TBX15: variants seen among roughly 807,000 people sequenced by gnomAD.
TBX15 encodes the protein T-box transcription factor 15.
A neutral mutation model predicts 53.9 loss-of-function variants in TBX15; 18 were observed. The ratio of observed to expected loss-of-function variants is 0.33; its 90% CI spans 0.23 to 0.49. TBX15 has a LOEUF of 0.49. TBX15 is among the 20% of genes least tolerant of loss of function. The probability of loss-of-function intolerance (pLI) is 0.98; values close to 1 mark genes in which losing one functional copy is unlikely to be tolerated. For missense variants in TBX15, 692 were observed against 749.5 expected, an observed-to-expected ratio of 0.92 and a Z score of 0.90; for synonymous variants, 295 against 278.0, an observed-to-expected ratio of 1.06 and a Z score of -0.61.
At chr1:118,931,856 T>C (rs1440215948) in intron 1 of TBX15, 24 bp from the exon 2 acceptor site, 1 of 1,551,778 alleles carries the variant, frequency 6.4e-7, no homozygotes, top group Non-Finnish European at 8.7e-7. Context: ...AATCAAGCCT[T>C]AGGTGAGAAA....
chr1:118,910,620 G>A (rs1201462662), intron 6 of TBX15, among the ~76,000 whole-genome samples: 1 of 152,208 alleles, frequency 6.6e-6, no homozygotes, highest in Non-Finnish European at 1.5e-5. Flanking sequence ...TGGGTAGCCA[G>A]TGAGAATTAA....
chr1:118,960,434 G>C (rs1487565041), intron 1 of TBX15, among the ~76,000 whole-genome samples: 2 of 152,152 alleles, frequency 1.3e-5, no homozygotes, highest in Non-Finnish European at 2.9e-5. Context: ...TCTAACCTTT[G>C]AAGCGAATGG....
At position 118,883,148 on chromosome 1, in the gene TBX15, T is replaced by A. The variant is rs781013455; in HGVS notation, c.*1584A>T. The A allele has an allele frequency of 4.8e-4, 73 of 152,600 alleles. No individual in the cohort carries two copies. Among genetic ancestry groups the A allele is most frequent in the Non-Finnish European group, 8.2e-4 (56 of 68,032 alleles). 9.5% of individuals were successfully genotyped at this position (152,600 alleles called of 1,614,324 possible). A position where few individuals can be genotyped will look rare whatever the true frequency, so the allele number is the denominator to read the frequency against. On this transcript the variant is annotated 3_prime_UTR_variant, in exon 8 of 8. Coordinates refer to ENST00000369429, the MANE Select transcript of TBX15 (RefSeq NM_001330677.2). ...TTTGTACACCTTTTCTTCATACATATTTTACATACCCTTTTATTGCCCCCT... is the reference window on the plus strand; with the variant it reads ...TTTGTACACCTTTTCTTCATACATAATTTACATACCCTTTTATTGCCCCCT...
At chr1:118,925,647 T>C (rs1261343538) in intron 3 of TBX15, among the ~76,000 whole-genome samples, 1 of 152,116 alleles carries the variant, frequency 6.6e-6, no homozygotes, top group Non-Finnish European at 1.5e-5. Flanking sequence ...CCCTGAGAAA[T>C]AGAGGCACCC....
chr1:118,914,939 C>T (rs1361878600), intron 5 of TBX15, among the ~76,000 whole-genome samples: 1 of 152,174 alleles, frequency 6.6e-6, no homozygotes, highest in Non-Finnish European at 1.5e-5. Flanking sequence ...CAGCTTGGTC[C>T]TCAGGGGCCA....
intron 6 of TBX15, among the ~76,000 whole-genome samples, chr1:118,906,136 T>C (rs1394516542): frequency 1.3e-5 from 2 of 152,228 alleles, no homozygotes; most frequent in Admixed American, 1.3e-4. Flanking sequence ...CTATTGCTTG[T>C]ATACTTATGA....
chr1:118,913,063 C>T (rs1393600517), intron 6 of TBX15, among the ~76,000 whole-genome samples: 1 of 152,002 alleles, frequency 6.6e-6, no homozygotes, highest in Non-Finnish European at 1.5e-5. Flanking sequence ...AAAATGATTG[C>T]CATAACTGAT....
chr1:118,972,006 G>A (rs896868255), intron 1 of TBX15, among the ~76,000 whole-genome samples: 1 of 152,238 alleles, frequency 6.6e-6, no homozygotes, highest in African/African-American at 2.4e-5. Flanking sequence ...TCCAAGAGGA[G>A]CTGATAATGA....
chr1:118,953,309 CAT>C (rs1200499734), intron 1 of TBX15, among the ~76,000 whole-genome samples: 1 of 152,074 alleles, frequency 6.6e-6, no homozygotes, highest in African/African-American at 2.4e-5. Flanking sequence ...AAATACAAGA[CAT>C]AGAATAAATA....
intron 1 of TBX15, among the ~76,000 whole-genome samples, chr1:118,947,865 T>C (rs1656395162): frequency 6.6e-6 from 1 of 152,214 alleles, no homozygotes; most frequent in Non-Finnish European, 1.5e-5. Context: ...TCATTTACTC[T>C]TGCTGAGCAA....
At chr1:118,986,716 G>A (rs967374591) in intron 1 of TBX15, among the ~76,000 whole-genome samples, 2 of 152,186 alleles carry the variant, frequency 1.3e-5, no homozygotes, top group African/African-American at 2.4e-5. Flanking sequence ...TTAGAAGTCC[G>A]GGCTGGAAAG....
chr1:118,929,066 A>G (rs540158748), intron 2 of TBX15, among the ~76,000 whole-genome samples: 21 of 152,198 alleles, frequency 1.4e-4, no homozygotes, highest in Non-Finnish European at 2.6e-4. Flanking sequence ...TTACAAAAAG[A>G]GATGTGTTTG....
chr1:118,901,202 G>A (rs1571157701), intron 6 of TBX15, among the ~76,000 whole-genome samples: 1 of 152,180 alleles, frequency 6.6e-6, no homozygotes, highest in Non-Finnish European at 1.5e-5. Context: ...CAGTTCTGGA[G>A]GCTGAGAAGT....
At chr1:118,955,088 C>T (rs1323228212) in intron 1 of TBX15, among the ~76,000 whole-genome samples, 1 of 152,206 alleles carries the variant, frequency 6.6e-6, no homozygotes, top group Admixed American at 6.5e-5. Flanking sequence ...TCACTTTAGG[C>T]TTGCCAAGAA....
intron 6 of TBX15, among the ~76,000 whole-genome samples, chr1:118,900,152 G>C (rs1226707108): frequency 6.6e-6 from 1 of 152,112 alleles, no homozygotes; most frequent in Non-Finnish European, 1.5e-5. Context: ...AACAGAGAGA[G>C]GAGAAGTGTG....
At chr1:118,951,919 C>A (rs373863476) in intron 1 of TBX15, among the ~76,000 whole-genome samples, 70 of 152,304 alleles carry the variant, frequency 4.6e-4, no homozygotes, top group Admixed American at 3.3e-3. Flanking sequence ...TCTATCCATG[C>A]CTTCAGCTGG....
At chr1:118,886,575 A>G (rs2101431626) in intron 7 of TBX15, among the ~76,000 whole-genome samples, 2 of 152,342 alleles carry the variant, frequency 1.3e-5, no homozygotes, top group Middle Eastern at 6.8e-3. Flanking sequence ...CCTCCACATC[A>G]GTATTGTTTT....
intron 1 of TBX15, among the ~76,000 whole-genome samples, chr1:118,938,871 T>A (rs1376414348): frequency 6.6e-6 from 1 of 152,200 alleles, no homozygotes; most frequent in Non-Finnish European, 1.5e-5. Flanking sequence ...TTTGTTTACA[T>A]TCCCTATAGA....
chr1:118,942,418 T>A (rs1287510370), intron 1 of TBX15, among the ~76,000 whole-genome samples: 1 of 152,200 alleles, frequency 6.6e-6, no homozygotes, highest in Non-Finnish European at 1.5e-5. Context: ...AGAAGAGATA[T>A]AGCCAGAGAA....
Sources: allele counts gnomAD v4.1 joint callset (sites outside exome capture counted in the v4.1 genomes callset), GRCh38; gene constraint gnomAD v4.1.1; transcripts MANE v1.5; gene names NCBI Gene and HGNC (gene_info 2026-07-23, HGNC 2026-07-21).